CHSY3: variants seen among roughly 807,000 people sequenced by gnomAD.
CHSY3 encodes the protein chondroitin sulfate synthase 3.
A neutral mutation model predicts 67.2 loss-of-function variants in CHSY3; 35 were observed. The observed-to-expected ratio is 0.52, with a 90% CI of 0.40 to 0.69. CHSY3 has a LOEUF of 0.69. Ranked by LOEUF, CHSY3 falls within the 30% of genes least tolerant of loss-of-function variation. CHSY3 has a pLI of 0.00. For synonymous variants in CHSY3, 474 were observed against 434.7 expected, an observed-to-expected ratio of 1.09 and a Z score of -1.12; for missense variants, 1,069 against 1,138.5, an observed-to-expected ratio of 0.94 and a Z score of 0.88.
chr5:130,114,642 C>A (rs1032223016), intron 2 of CHSY3: 1 of 152,114 alleles, frequency 6.6e-6, no homozygotes, highest in Non-Finnish European at 1.5e-5. Flanking sequence ...TCTGAAAAAT[C>A]GGTAATGAAT....
intron 2 of CHSY3, among the ~76,000 whole-genome samples, chr5:130,138,965 T>C (rs1440271126): frequency 6.6e-6 from 1 of 152,210 alleles, no homozygotes; most frequent in Non-Finnish European, 1.5e-5. Flanking sequence ...AGTGTATTTA[T>C]GCAAATATAG....
intron 2 of CHSY3, among the ~76,000 whole-genome samples, chr5:129,972,603 G>A (rs1271272676): frequency 2.7e-5 from 4 of 150,326 alleles, no homozygotes; most frequent in Non-Finnish European, 3.0e-5. Flanking sequence ...GATCTCTGCA[G>A]TGTGTGTGTG....
At chr5:130,092,121 T>C (rs1214860912) in intron 2 of CHSY3, among the ~76,000 whole-genome samples, 1 of 152,176 alleles carries the variant, frequency 6.6e-6, no homozygotes, top group Non-Finnish European at 1.5e-5. Context: ...TCTTGCCCTC[T>C]GTTGCTGGAC....
At chr5:130,110,024 A>G (rs892992758) in intron 2 of CHSY3, among the ~76,000 whole-genome samples, 1 of 151,926 alleles carries the variant, frequency 6.6e-6, no homozygotes, top group Admixed American at 6.6e-5. Flanking sequence ...AAAGGCTTAT[A>G]AGTACTGGAA....
chr5:130,068,793 G>A (rs548582733), intron 2 of CHSY3, among the ~76,000 whole-genome samples: 4 of 152,116 alleles, frequency 2.6e-5, no homozygotes, highest in African/African-American at 9.7e-5. Context: ...GTTCTGGCTC[G>A]AAGAGCTGAT....
At chr5:129,974,646 G>A (rs1265181711) in intron 2 of CHSY3, among the ~76,000 whole-genome samples, 1 of 152,094 alleles carries the variant, frequency 6.6e-6, no homozygotes, top group Non-Finnish European at 1.5e-5. Context: ...GCAGTTGTAA[G>A]GGCTGGTGCA....
intron 2 of CHSY3, among the ~76,000 whole-genome samples, chr5:130,172,189 T>C (rs1769911582): frequency 6.6e-6 from 1 of 152,188 alleles, no homozygotes; most frequent in African/African-American, 2.4e-5. Flanking sequence ...GAAGGAAACA[T>C]TTATAACGAA....
rs373275372 is a variant in CHSY3, at chr5:130,088,828, T to A, written c.1087-95401T>A. 1.2e-4 allele frequency among the ~76,000 whole-genome samples: 18 copies of A among 152,198 alleles called. No individual in the cohort carries two copies. The South Asian group carries it at 1.9e-3, about 16-fold the overall frequency. ...AGTCAGTGTGGCGATTCCTCAGGGA[T>A]CTAGAACTAGAAATACCATTTGACC... On this transcript the variant is annotated intron_variant, in intron 2 of 2. Transcript: ENST00000305031.
At chr5:130,092,579 G>T (rs549050682) in intron 2 of CHSY3, among the ~76,000 whole-genome samples, 30 of 152,252 alleles carry the variant, frequency 2.0e-4, no homozygotes, top group Admixed American at 2.0e-3. Context: ...GAAGTTTCCT[G>T]TCCATCTTTC....
At chr5:130,004,398 T>A (rs1436662330) in intron 2 of CHSY3, among the ~76,000 whole-genome samples, 1 of 152,228 alleles carries the variant, frequency 6.6e-6, no homozygotes, top group Non-Finnish European at 1.5e-5. Flanking sequence ...TTCTGTTACT[T>A]TGAAATTTTT....
chr5:129,930,518 GTATGAAGTTTTGCCT>G, intron 2 of CHSY3, among the ~76,000 whole-genome samples: 1 of 137,100 alleles, frequency 7.3e-6, no homozygotes, highest in South Asian at 2.7e-4. Flanking sequence ...CGGGGGGGGG[GTATGAAGTTTTGCCT>G]GGAGGACTTC....
At chr5:129,918,895 C>T (rs966060867) in intron 2 of CHSY3, among the ~76,000 whole-genome samples, 1 of 148,904 alleles carries the variant, frequency 6.7e-6, no homozygotes, top group African/African-American at 2.5e-5. Context: ...ATCATGAGGT[C>T]AGGAGATCGA....
At chr5:130,097,870 G>C (rs574592332) in intron 2 of CHSY3, among the ~76,000 whole-genome samples, 3 of 152,166 alleles carry the variant, frequency 2.0e-5, no homozygotes, top group Admixed American at 2.0e-4. Context: ...GCCGGGCATG[G>C]TGGTGGGCGC....
chr5:130,156,078 G>A (rs1769368276), intron 2 of CHSY3, among the ~76,000 whole-genome samples: 1 of 152,170 alleles, frequency 6.6e-6, no homozygotes, highest in Non-Finnish European at 1.5e-5. Context: ...AGAACTGTCA[G>A]ATTTCTTATC....
At chr5:129,959,913 A>G (rs1762283100) in intron 2 of CHSY3, among the ~76,000 whole-genome samples, 2 of 152,108 alleles carry the variant, frequency 1.3e-5, no homozygotes, top group Non-Finnish European at 2.9e-5. Context: ...TTGCATTGCC[A>G]TGAAGTTAAG....
chr5:129,983,086 T>C (rs1355889700), intron 2 of CHSY3, among the ~76,000 whole-genome samples: 1 of 152,116 alleles, frequency 6.6e-6, no homozygotes, highest in Non-Finnish European at 1.5e-5. Context: ...AAACAAAAAT[T>C]GAGTTTCTTA....
chr5:130,185,260 C>T lies in CHSY3; in HGVS notation c.2118C>T (p.Ala706=). The change falls in exon 3 of 3, where the codon GCC becomes GCT. Residue 706 remains alanine (A), a synonymous_variant. Transcript: ENST00000305031. ...GTCTTGGTCTTGAAATGGCTTCTGC[C>T]CAGTTTGACAATGACACTTTGCTGC... ...SRGLGLEMAS[A]QFDNDTLLLF... The T allele has an allele frequency of 1.2e-6, 2 of 1,607,334 alleles. No individual in the cohort carries two copies. The highest frequency in any genetic ancestry group is 1.7e-6 in the Non-Finnish European group (2 of 1,173,942).
chr5:130,167,578 T>G (rs1561567247), intron 2 of CHSY3, among the ~76,000 whole-genome samples: 2 of 152,196 alleles, frequency 1.3e-5, no homozygotes. Context: ...AAGGCCATCT[T>G]GGCCACGCAT....
In CHSY3 at chr5:129,905,041, G is replaced by C. The variant is rs780522431; in HGVS notation, c.212G>C (p.Arg71Pro). Residue 71 changes from arginine (R) to proline (P), a missense_variant, in exon 1 of 3, where the codon CGG becomes CCG. This residue lies in a region of CHSY3 where 309 missense variants were observed against 262.5 expected (regional missense o/e 1.18). Coordinates refer to ENST00000305031, the MANE Select transcript of CHSY3 (RefSeq NM_175856.5). ...QPLPQPQSRPRQEQSPPPARQ... is the reference protein window; with the variant it reads ...QPLPQPQSRPPQEQSPPPARQ... Reference sequence around the variant, plus strand: ...CTCCCCCAGCCCCAGTCCCGACCACGGCAGGAGCAGTCGCCGCCCCCCGCG... The same window carrying C: ...CTCCCCCAGCCCCAGTCCCGACCACCGCAGGAGCAGTCGCCGCCCCCCGCG... The C allele has an allele frequency of 1.9e-5, 29 of 1,553,658 alleles. No homozygotes were observed. The highest frequency in any genetic ancestry group is 2.3e-5 in the Non-Finnish European group (27 of 1,156,314).
Sources: gnomAD v4.1 joint callset for allele counts (sites outside exome capture counted in the v4.1 genomes callset) on GRCh38, gnomAD v4.1.1 for gene constraint, gnomAD v4.1.1 regional missense constraint, MANE v1.5 for transcripts, NCBI Gene and HGNC (gene_info 2026-07-23, HGNC 2026-07-21) for gene names.